Variants in FREM1 observed in about 807,000 individuals in gnomAD.
The protein encoded by FREM1 is FRAS1-related extracellular matrix protein 1.
A neutral mutation model predicts 210.1 loss-of-function variants in FREM1; 220 were observed. The observed-to-expected ratio is 1.05, with a 90% CI of 0.94 to 1.17. The LOEUF is 1.17. FREM1 is among the 50% of genes most tolerant of loss of function. The pLI is 0.00. For missense variants in FREM1, 3,454 were observed against 2,675.5 expected (o/e 1.29, Z -6.42); for synonymous variants, 1,189 against 980.2 (o/e 1.21, Z -3.98).
intron 36 of FREM1, 122 bp from the exon 37 acceptor site, chr9:14,737,717 G>C (rs1332718745): frequency 1.3e-6 from 1 of 741,488 alleles, no homozygotes; most frequent in Non-Finnish European, 2.0e-6. Context: ...CTAAAACAAG[G>C]GATAGGAACT....
At chr9:14,896,025 A>C (rs1383991450) in intron 1 of FREM1, among the ~76,000 whole-genome samples, 4 of 152,194 alleles carry the variant, frequency 2.6e-5, no homozygotes, top group African/African-American at 9.6e-5. Flanking sequence ...ATGGTTAAGC[A>C]TTCTTACTCA....
chr9:14,748,511 G>C lies in FREM1; in HGVS notation c.5686C>G (p.Pro1896Ala), dbSNP rs375241879. Residue 1896 changes from proline (P) to alanine (A), a missense_variant, in exon 31 of 37, where the codon CCT (proline) becomes GCT (alanine). Coordinates refer to ENST00000380880, the MANE Select transcript of FREM1 (RefSeq NM_001379081.2). ...GCTAGCTGCATGGAAGATGGAAGAG[G>C]TCTTCTTTCCAGATGAAAGGAACCA... ...TSGSFHLERR[P>A]LPSSMQLAVI... is the part of the protein sequence containing the mutation. The C allele has an allele frequency of 2.5e-6, 4 of 1,613,446 alleles. No homozygotes were observed. The highest frequency in any genetic ancestry group is 3.4e-6 in the Non-Finnish European group (4 of 1,179,500).
chr9:14,863,249 G>A (rs368684802), intron 3 of FREM1, among the ~76,000 whole-genome samples: 16 of 150,984 alleles, frequency 1.1e-4, no homozygotes, highest in African/African-American at 3.9e-4. Flanking sequence ...GCTGAGGCAG[G>A]AGAATAGCTT....
At chr9:14,765,840 G>C (rs1330293591) in intron 27 of FREM1, among the ~76,000 whole-genome samples, 2 of 152,194 alleles carry the variant, frequency 1.3e-5, no homozygotes, top group African/African-American at 4.8e-5. Context: ...CATTGCTTTT[G>C]AAGTTCACTT....
chr9:14,786,024 T>G (rs187170576), intron 23 of FREM1, among the ~76,000 whole-genome samples: 2 of 152,194 alleles, frequency 1.3e-5, no homozygotes, highest in Non-Finnish European at 2.9e-5. Flanking sequence ...TAATTGAATT[T>G]TGTTCACCTG....
chr9:14,748,923 T>C (rs747744388), intron 30 of FREM1, among the ~76,000 whole-genome samples: 3 of 152,228 alleles, frequency 2.0e-5, no homozygotes, highest in Non-Finnish European at 4.4e-5. Flanking sequence ...TCATATCATA[T>C]ACTGGGGGGA....
chr9:14,836,699 G>C lies in FREM1; in HGVS notation c.1881+4748C>G, dbSNP rs1467918916. On this transcript the variant is annotated intron_variant, in intron 10 of 36. Transcript: ENST00000380880. The surrounding 1 kb of genome is among the most constrained non-coding windows in gnomAD (Gnocchi z 4.9). Reference sequence around the variant, plus strand: ...GCCTAAAAGCAATCAAACTCCAAATGGTGCTGCAAACTGAACCGCATGTGG... The same window carrying C: ...GCCTAAAAGCAATCAAACTCCAAATCGTGCTGCAAACTGAACCGCATGTGG... Among the ~76,000 whole-genome samples the C allele has an allele frequency of 6.6e-6, 1 of 152,156 alleles. No homozygotes were observed. The highest frequency in any genetic ancestry group is 1.5e-5 in the Non-Finnish European group (1 of 68,022).
chr9:14,792,696 A>C (rs1288600788), intron 22 of FREM1, 47 bp downstream of exon 22: 1 of 1,451,216 alleles, frequency 6.9e-7, no homozygotes, highest in South Asian at 1.4e-5. Flanking sequence ...GAGAAGATTT[A>C]TACCTGCTAC....
chr9:14,805,379 A>G (rs892008753), intron 18 of FREM1, among the ~76,000 whole-genome samples: 1 of 152,230 alleles, frequency 6.6e-6, no homozygotes, highest in African/African-American at 2.4e-5. Context: ...GGAGAACCGA[A>G]GAGTAATACT....
chr9:14,857,590 A>G lies in FREM1; in HGVS notation c.791T>C (p.Leu264Pro), dbSNP rs1282907493. The G allele has an allele frequency of 6.2e-7, 1 of 1,613,862 alleles. No individual in the cohort carries two copies. Among genetic ancestry groups the G allele is most frequent in the African/African-American group, 1.3e-5 (1 of 75,028 alleles). ...TTTGCTCCTGGTATCTGTGAGGTCC[A>G]GTTGGATGGAGATATAATCAATGTT... is the stretch of plus-strand genomic sequence containing the variant. ...SPNIDYISIQ[L>P]DLTDTRSKIV... The change falls in exon 5 of 37, where the codon CTG becomes CCG. Residue 264 changes from leucine to proline, a missense_variant. Physicochemically the swap from Leu to Pro is moderately conservative, Grantham distance 98. Transcript: ENST00000380880.
intron 15 of FREM1, among the ~76,000 whole-genome samples, chr9:14,814,428 G>A (rs1426494132): frequency 1.3e-5 from 2 of 152,114 alleles, no homozygotes; most frequent in Non-Finnish European, 2.9e-5. Flanking sequence ...ATGAGTGAAT[G>A]CAACTATGTA....
intron 23 of FREM1, among the ~76,000 whole-genome samples, chr9:14,788,595 C>T (rs964740966): frequency 7.2e-5 from 11 of 152,160 alleles, no homozygotes; most frequent in Non-Finnish European, 1.6e-4. Context: ...ACTAGAGTTA[C>T]ACATCAACTT....
chr9:14,875,313 A>G (rs1290460377), intron 1 of FREM1, among the ~76,000 whole-genome samples: 1 of 152,212 alleles, frequency 6.6e-6, no homozygotes, highest in Non-Finnish European at 1.5e-5. Context: ...CAGGTACACC[A>G]ATCAGACGTA....
At chr9:14,827,417 G>A (rs977025887) in intron 10 of FREM1, among the ~76,000 whole-genome samples, 2 of 152,204 alleles carry the variant, frequency 1.3e-5, no homozygotes, top group African/African-American at 4.8e-5. Flanking sequence ...CGTGGTGGAA[G>A]AAATAACTAA....
At chr9:14,830,154 T>A (rs1243267241) in intron 10 of FREM1, among the ~76,000 whole-genome samples, 2 of 152,152 alleles carry the variant, frequency 1.3e-5, no homozygotes, top group African/African-American at 2.4e-5. Context: ...AAGAAAGAGC[T>A]AGCAGAAATC....
Position 14,756,453 on chromosome 9 carries a change from A to G in FREM1, c.5335-7T>C, listed in dbSNP as rs1365979554. 3.2e-6 allele frequency: 5 copies of G among 1,574,502 alleles called. No homozygotes were observed. The highest frequency in any genetic ancestry group is 4.3e-6 in the Non-Finnish European group (5 of 1,158,572). On this transcript the variant is annotated splice_polypyrimidine_tract_variant and splice_region_variant and intron_variant, in intron 28 of 36. Transcript: ENST00000380880. ...CAGCTGACACTTGGTTGACCTTAGG[A>G]GGGAAAAAAAAATCTTTTTAAGATA...
chr9:14,803,244 CCTTCCTCT>C (rs142893103), intron 19 of FREM1, among the ~76,000 whole-genome samples: 39,761 of 137,824 alleles, frequency 0.29, 6,529 homozygotes, highest in Admixed American at 0.37. Context: ...CTCTCTCCTT[CCTTCCTCT>C]CTTCCTCTCT....
At chr9:14,796,137 G>A (rs1287311458) in intron 21 of FREM1, among the ~76,000 whole-genome samples, 1 of 152,112 alleles carries the variant, frequency 6.6e-6, no homozygotes, top group Non-Finnish European at 1.5e-5. Context: ...CCTTATCAGT[G>A]GCTCATAGGG....
In FREM1 at chr9:14,746,339, A is replaced by G. The variant is rs1425270439; in HGVS notation, c.6254+14T>C. On this transcript the variant is annotated intron_variant, in intron 35 of 36. Coordinates refer to ENST00000380880, the MANE Select transcript of FREM1 (RefSeq NM_001379081.2). Reference sequence around the variant, plus strand: ...AAAGAAAACACCAATCAAATGTGCAATAGGGTGCCTTACTGTTCCCTGCAA... The same window carrying G: ...AAAGAAAACACCAATCAAATGTGCAGTAGGGTGCCTTACTGTTCCCTGCAA... The G allele has an allele frequency of 1.3e-6, 2 of 1,569,076 alleles. No individual in the cohort carries two copies. Among genetic ancestry groups the G allele is most frequent in the South Asian group, 1.1e-5 (1 of 89,786 alleles).
Sources: allele counts gnomAD v4.1 joint callset (sites outside exome capture counted in the v4.1 genomes callset), GRCh38; gene constraint gnomAD v4.1.1; non-coding constraint Gnocchi (gnomAD v3.1); transcripts MANE v1.5; gene names NCBI Gene and HGNC (gene_info 2026-07-23, HGNC 2026-07-21).